Variants in ZFYVE21 observed in about 807,000 individuals in gnomAD.
ZFYVE21 encodes the protein zinc finger FYVE-type containing 21.
ZFYVE21 carries 21 observed loss-of-function variants against 29.5 expected under a neutral mutation model. That is an observed-to-expected ratio of 0.71 (90% CI 0.50 to 1.02). ZFYVE21 has a LOEUF of 1.02. Among genes scored for constraint, ZFYVE21 ranks in the 50% least tolerant of loss-of-function variants. The probability of loss-of-function intolerance (pLI) is 0.00; values close to 1 mark genes in which losing one functional copy is unlikely to be tolerated. For missense variants in ZFYVE21, 326 were observed against 335.4 expected (o/e 0.97, Z 0.22); for synonymous variants, 151 against 133.8 (o/e 1.13, Z -0.89).
chr14:103,727,737 T>G lies in ZFYVE21; in HGVS notation c.190-9T>G. The G allele has an allele frequency of 6.2e-7, 1 of 1,604,060 alleles. No homozygotes were observed. Among genetic ancestry groups the G allele is most frequent in the East Asian group, 2.2e-5 (1 of 44,800 alleles). ...CCTCCTCACTGCCAATCCTCCCGCATCTGCCCAGCACCACTGTCGCCGCTG... is the reference window on the plus strand; with the variant it reads ...CCTCCTCACTGCCAATCCTCCCGCAGCTGCCCAGCACCACTGTCGCCGCTG... On this transcript the variant is annotated splice_polypyrimidine_tract_variant and intron_variant, in intron 2 of 6. Transcript: ENST00000311141.
At chr14:103,726,621 C>T in intron 1 of ZFYVE21, 171 bp from the exon 2 acceptor site, 1 of 797,532 alleles carries the variant, frequency 1.3e-6, no homozygotes, top group South Asian at 1.6e-5. Flanking sequence ...GCTCTGGAGC[C>T]TGGGCACAGG....
At chr14:103,727,376 G>GGC in intron 2 of ZFYVE21, 1 of 161,340 alleles carries the variant, frequency 6.2e-6, no homozygotes, top group Non-Finnish European at 1.2e-5. Flanking sequence ...CGCCCCCTCT[G>GGC]CCCCCTCCGC....
chr14:103,727,603 G>A (rs1163313208), intron 2 of ZFYVE21, 143 bp from the exon 3 acceptor site: 21 of 1,067,270 alleles, frequency 2.0e-5, no homozygotes, highest in South Asian at 4.0e-5. Flanking sequence ...AGGGGCTGGC[G>A]ACAGGAGGTG....
chr14:103,728,004 C>A, intron 3 of ZFYVE21, 90 bp downstream of exon 3: 1 of 1,383,898 alleles, frequency 7.2e-7, no homozygotes, highest in Non-Finnish European at 9.7e-7. Context: ...ACGGGGCGTT[C>A]TGCTTCTCTG....
In ZFYVE21 at chr14:103,717,695, G is replaced by A. The variant is rs117220541; in HGVS notation, c.138+1716G>A. ...GAAGAGAAGATTCATTCCCACGCTG[G>A]CGTGGTGGCAGGATACCCCTCCAGA... On this transcript the variant is annotated intron_variant, in intron 1 of 6. Transcript: ENST00000311141. Among the ~76,000 whole-genome samples, 136 of 152,366 alleles carry A rather than the reference G, an allele frequency of 8.9e-4. 3 individuals carry two copies. The East Asian group carries it at 0.021, about 23-fold the overall frequency.
Position 103,715,924 on chromosome 14 carries a change from G to A in ZFYVE21, c.83G>A (p.Arg28His). 1 of 1,432,538 alleles carries A rather than the reference G, an allele frequency of 7.0e-7. No individual in the cohort carries two copies. The highest frequency in any genetic ancestry group is 1.3e-5 in the South Asian group (1 of 74,948). The allele number at this position is 1,432,538 out of a possible 1,614,324, so 88.7% of individuals were successfully genotyped here. A position where few individuals can be genotyped will look rare whatever the true frequency, so the allele number is the denominator to read the frequency against. Residue 28 changes from arginine to histidine, a missense_variant, in exon 1 of 7, where the codon CGC becomes CAC. By Grantham distance (29) the Arg-to-His change is conservative. Coordinates refer to ENST00000311141, the MANE Select transcript of ZFYVE21 (RefSeq NM_024071.4). ...GGCCTGCGCATGGTGCCCGAACACC[G>A]CGCCTTCGGAAGCCCGTTCGGCCTG... ...PSGLRMVPEH[R>H]AFGSPFGLEE... is the part of the protein sequence containing the mutation.
chr14:103,733,073 GA>G lies in ZFYVE21; in HGVS notation c.*57del. The G allele has an allele frequency of 6.2e-7, 1 of 1,610,976 alleles. No homozygotes were observed. Among genetic ancestry groups the G allele is most frequent in the Non-Finnish European group, 8.5e-7 (1 of 1,177,298 alleles). On this transcript the variant is annotated 3_prime_UTR_variant, in exon 7 of 7. Transcript: ENST00000311141. The stretch of plus-strand genomic sequence containing the variant: ...GTGGTCACCAGGACTGAGTCGCTTG[GA>G]ACAGCAGAGCCTGCTCCTTGCGTAC...
At chr14:103,725,026 G>A (rs1192149587) in intron 1 of ZFYVE21, 6 of 152,236 alleles carry the variant, frequency 3.9e-5, no homozygotes, top group African/African-American at 7.2e-5. Context: ...CCATTTTCGT[G>A]GCAAAAGTGT....
At position 103,716,609 on chromosome 14, in the gene ZFYVE21, G is replaced by T. The variant is rs1221599771; in HGVS notation, c.138+630G>T. 2.0e-5 allele frequency among the ~76,000 whole-genome samples: 3 copies of T among 152,216 alleles called. No homozygotes were observed. The highest frequency in any genetic ancestry group is 7.2e-5 in the African/African-American group (3 of 41,448). On this transcript the variant is annotated intron_variant, in intron 1 of 6. Coordinates refer to ENST00000311141, the MANE Select transcript of ZFYVE21 (RefSeq NM_024071.4). The surrounding 1 kb of genome is among the most constrained non-coding windows in gnomAD (Gnocchi z 4.8). ...CACCCTCCACCTCGGAAGCGAGGTC[G>T]CAGTCGCCCACTGGACAGTTTGAAG...
intron 1 of ZFYVE21, among the ~76,000 whole-genome samples, chr14:103,721,902 GA>G (rs2083875600): frequency 1.3e-5 from 2 of 152,240 alleles, no homozygotes; most frequent in South Asian, 4.1e-4. Context: ...GTGTACCTGG[GA>G]TGTGACGCAG....
intron 1 of ZFYVE21, among the ~76,000 whole-genome samples, chr14:103,721,255 C>T (rs1017899965): frequency 1.3e-5 from 2 of 152,218 alleles, no homozygotes; most frequent in Non-Finnish European, 2.9e-5. Context: ...GTTTACTGGA[C>T]TAGCAAGGAG....
chr14:103,727,596 G>T (rs1043214482), intron 2 of ZFYVE21, 150 bp from the exon 3 acceptor site: 4 of 980,446 alleles, frequency 4.1e-6, no homozygotes, highest in Non-Finnish European at 6.2e-6. Flanking sequence ...GGAGCCCAGG[G>T]GCTGGCGACA....
chr14:103,729,445 T>C (rs1169632888), intron 5 of ZFYVE21: 2 of 572,636 alleles, frequency 3.5e-6, no homozygotes, highest in Middle Eastern at 4.6e-4. Context: ...CTGCTCTAAA[T>C]GCTCTAACGT....
At chr14:103,729,657 C>T (rs961585092) in intron 5 of ZFYVE21, 40 of 1,114,392 alleles carry the variant, frequency 3.6e-5, no homozygotes, top group African/African-American at 2.5e-4. Flanking sequence ...ACTCTGCTGA[C>T]GGGGAGCTCG....
intron 1 of ZFYVE21, among the ~76,000 whole-genome samples, chr14:103,722,449 G>A (rs2083881421): frequency 6.7e-6 from 1 of 148,842 alleles, no homozygotes; most frequent in African/African-American, 2.5e-5. Flanking sequence ...CGACCTCCTG[G>A]GCTCAAGCTG....
chr14:103,729,964 C>A, intron 5 of ZFYVE21: 1 of 1,198,342 alleles, frequency 8.3e-7, no homozygotes, highest in Non-Finnish European at 1.1e-6. Context: ...AACCTGAATT[C>A]ACTTACTTTG....
intron 5 of ZFYVE21, 151 bp downstream of exon 5, chr14:103,729,333 G>A (rs550161903): frequency 1.4e-6 from 1 of 719,208 alleles, no homozygotes; most frequent in South Asian, 1.9e-5. Context: ...CTTTCGCGGG[G>A]CGTGTATTTA....
chr14:103,733,146 T>A lies in ZFYVE21; in HGVS notation c.*128T>A. 7.9e-7 allele frequency: 1 copy of A among 1,263,592 alleles called. No homozygotes were observed. Among genetic ancestry groups the A allele is most frequent in the Non-Finnish European group, 1.1e-6 (1 of 886,182 alleles). The allele number at this position is 1,263,592 out of a possible 1,614,324, so 78.3% of individuals were successfully genotyped here. On this transcript the variant is annotated 3_prime_UTR_variant, in exon 7 of 7. Coordinates refer to ENST00000311141, the MANE Select transcript of ZFYVE21 (RefSeq NM_024071.4). ...TGCTGGGAAATGCAACTCACTCATG[T>A]ATTTGGAGAAACAGGAGTGTTCACT...
chr14:103,716,926 G>T lies in ZFYVE21; in HGVS notation c.138+947G>T, dbSNP rs1028633024. ...TAAAAAAAAAATTGGGGGAGAAAAA[G>T]AATTTTTGTAATATGACTTTCATAC... On this transcript the variant is annotated intron_variant, in intron 1 of 6. Transcript: ENST00000311141. The surrounding 1 kb of genome is among the most constrained non-coding windows in gnomAD (Gnocchi z 4.8). Among the ~76,000 whole-genome samples the T allele has an allele frequency of 1.2e-4, 18 of 152,184 alleles. No individual in the cohort carries two copies. The highest frequency in any genetic ancestry group is 2.0e-4 in the Admixed American group (3 of 15,284).
Sources: allele counts gnomAD v4.1 joint callset (sites outside exome capture counted in the v4.1 genomes callset), GRCh38; gene constraint gnomAD v4.1.1; non-coding constraint Gnocchi (gnomAD v3.1); transcripts MANE v1.5; gene names NCBI Gene and HGNC (gene_info 2026-07-23, HGNC 2026-07-21).